The following SDHB variants were observed in gnomAD, a reference collection of about 807,000 sequenced individuals.
The protein encoded by SDHB is succinate dehydrogenase [ubiquinone] iron-sulfur subunit, mitochondrial.
Under a neutral mutation model 39.7 loss-of-function variants are expected in SDHB, and 21 were observed. The ratio of observed to expected loss-of-function variants is 0.53; its 90% confidence interval spans 0.37 to 0.76. SDHB has a LOEUF of 0.76. Ranked by LOEUF, SDHB falls within the 30% of genes least tolerant of loss-of-function variation. SDHB has a pLI of 0.00. For synonymous variants in SDHB, 118 were observed against 117.0 expected (o/e 1.01, Z -0.06); for missense variants, 343 against 350.9 (o/e 0.98, Z 0.18).
intron 1 of SDHB, among the ~76,000 whole-genome samples, chr1:17,053,361 G>A (rs1463019687): frequency 1.3e-5 from 2 of 152,060 alleles, no homozygotes; most frequent in African/African-American, 4.8e-5. Flanking sequence ...CTGCTTTAAG[G>A]AACCCAGTCT....
intron 1 of SDHB, among the ~76,000 whole-genome samples, chr1:17,048,882 TA>T (rs1302206545): frequency 6.6e-6 from 1 of 152,096 alleles, no homozygotes; most frequent in East Asian, 1.9e-4. Context: ...AGCTAATTTT[TA>T]TATTTTTAGT....
chr1:17,032,531 C>T (rs915907444), intron 3 of SDHB: 12 of 165,586 alleles, frequency 7.2e-5, no homozygotes, highest in Non-Finnish European at 1.5e-4. Flanking sequence ...CATTGCTATT[C>T]ATGTAGAAAA....
chr1:17,029,093 G>GTGTT (rs2078008036), intron 3 of SDHB, among the ~76,000 whole-genome samples: 1 of 72,030 alleles, frequency 1.4e-5, no homozygotes, highest in Non-Finnish European at 2.4e-5. Context: ...AAATCAGCCT[G>GTGTT]TTTTTTTTTT....
intron 6 of SDHB, 40 bp downstream of exon 6, chr1:17,023,933 G>C: frequency 2.0e-6 from 3 of 1,469,570 alleles, no homozygotes; most frequent in Non-Finnish European, 2.9e-6. Flanking sequence ...CTGGATGCTT[G>C]AGTTTCAATT....
chr1:17,053,999 G>C lies in SDHB; in HGVS notation c.21C>G (p.Leu7=), dbSNP rs147815442. Residue 7 remains leucine, a synonymous_variant, in exon 1 of 8, where the codon CTC becomes CTG. Coordinates refer to ENST00000375499, the MANE Select transcript of SDHB (RefSeq NM_003000.3). MAAVVA[L]SLRRRLPATT... ...TGGCCGGCAACCGGCGCCTCAAGGA[G>C]AGGGCGACCACCGCCGCCATCTTGG... 3 of 1,612,596 alleles carry C rather than the reference G, an allele frequency of 1.9e-6. No individual in the cohort carries two copies. The highest frequency in any genetic ancestry group is 1.7e-4 in the Middle Eastern group (1 of 6,014).
At chr1:17,034,039 C>G (rs1310524256) in intron 2 of SDHB, among the ~76,000 whole-genome samples, 1 of 152,198 alleles carries the variant, frequency 6.6e-6, no homozygotes, top group African/African-American at 2.4e-5. Context: ...CTCCACAAAT[C>G]TATTTTCTGG....
At chr1:17,033,275 G>A in intron 2 of SDHB, 130 bp from the exon 3 acceptor site, 2 of 757,330 alleles carry the variant, frequency 2.6e-6, no homozygotes, top group East Asian at 5.4e-5. Flanking sequence ...TTCGGAATTT[G>A]TTCTGTAGTT....
At chr1:17,037,184 A>G (rs980589004) in intron 2 of SDHB, among the ~76,000 whole-genome samples, 20 of 152,194 alleles carry the variant, frequency 1.3e-4, no homozygotes, top group African/African-American at 4.8e-4. Flanking sequence ...TGGACAAATT[A>G]TGCATAATAA....
At chr1:17,022,920 T>C (rs1375862768) in intron 6 of SDHB, 190 bp from the exon 7 acceptor site, 2 of 678,962 alleles carry the variant, frequency 2.9e-6, no homozygotes, top group African/African-American at 1.8e-5. Flanking sequence ...ACTTGATTAA[T>C]GGTCCCTGCA....
chr1:17,035,727 G>C (rs896479788), intron 2 of SDHB, among the ~76,000 whole-genome samples: 4 of 152,030 alleles, frequency 2.6e-5, no homozygotes, highest in Non-Finnish European at 5.9e-5. Context: ...GGGTGTGGTT[G>C]CACGTGCCTG....
At chr1:17,040,983 A>G (rs1234867037) in intron 2 of SDHB, among the ~76,000 whole-genome samples, 1 of 151,996 alleles carries the variant, frequency 6.6e-6, no homozygotes, top group Non-Finnish European at 1.5e-5. Flanking sequence ...ACAACAAATT[A>G]GCTGGGCGTG....
intron 2 of SDHB, among the ~76,000 whole-genome samples, chr1:17,043,206 C>G (rs1194115874): frequency 2.0e-5 from 3 of 152,080 alleles, no homozygotes; most frequent in Non-Finnish European, 4.4e-5. Flanking sequence ...AGTGATCCAC[C>G]TGCCTCGGCT....
chr1:17,032,835 C>T, intron 3 of SDHB: 2 of 595,124 alleles, frequency 3.4e-6, no homozygotes, highest in South Asian at 3.9e-5. Flanking sequence ...GATGCAGTAA[C>T]CACAGGATAG....
intron 2 of SDHB, among the ~76,000 whole-genome samples, chr1:17,041,263 T>C (rs1356899550): frequency 6.6e-6 from 1 of 152,258 alleles, no homozygotes; most frequent in Non-Finnish European, 1.5e-5. Context: ...TCAAATATTA[T>C]ATTTTTCAGT....
At chr1:17,027,703 T>C in intron 5 of SDHB, 46 bp downstream of exon 5, 1 of 1,145,604 alleles carries the variant, frequency 8.7e-7, no homozygotes, top group Non-Finnish European at 1.3e-6. Flanking sequence ...GCAATCATCT[T>C]TGCAATAAAT....
chr1:17,044,572 C>A (rs561951635), intron 2 of SDHB, among the ~76,000 whole-genome samples, 189 bp downstream of exon 2: 1 of 152,146 alleles, frequency 6.6e-6, no homozygotes, highest in African/African-American at 2.4e-5. Flanking sequence ...ATGATCTGCC[C>A]GCCTGAGCCT....
intron 7 of SDHB, 99 bp downstream of exon 7, chr1:17,022,509 T>TTGGCAGAGA: frequency 6.6e-7 from 1 of 1,509,706 alleles, no homozygotes. Context: ...CCTTCTCAAA[T>TTGGCAGAGA]GACTAGGGTT....
chr1:17,024,575 C>T (rs1358851976), intron 5 of SDHB, among the ~76,000 whole-genome samples: 3 of 152,190 alleles, frequency 2.0e-5, no homozygotes, highest in Non-Finnish European at 4.4e-5. Flanking sequence ...TACACGCTTT[C>T]CTTAACTGAT....
intron 1 of SDHB, among the ~76,000 whole-genome samples, chr1:17,047,288 G>A (rs556191997): frequency 6.6e-6 from 1 of 151,086 alleles, no homozygotes; most frequent in South Asian, 2.1e-4. Context: ...CCTGGGAGAC[G>A]GAGATTGCAG....
Sources: gnomAD v4.1 joint callset for allele counts (sites outside exome capture counted in the v4.1 genomes callset) on GRCh38, gnomAD v4.1.1 for gene constraint, MANE v1.5 for transcripts, NCBI Gene and HGNC (gene_info 2026-07-23, HGNC 2026-07-21) for gene names.